Variants in PKM observed in about 807,000 individuals in gnomAD.
PKM encodes pyruvate kinase M1/2.
PKM carries 18 observed loss-of-function variants against 49.8 expected under a neutral mutation model. The observed-to-expected ratio is 0.36, with a 90% CI of 0.25 to 0.54. The LOEUF is 0.54. PKM is among the 20% of genes least tolerant of loss of function. The probability of loss-of-function intolerance (pLI) is 0.89; values close to 1 mark genes in which losing one functional copy is unlikely to be tolerated. For synonymous variants in PKM, 239 were observed against 261.8 expected (o/e 0.91, Z 0.84); for missense variants, 508 against 713.8 (o/e 0.71, Z 3.28).
chr15:72,228,527 G>C (rs923140872), intron 1 of PKM: 15 of 632,296 alleles, frequency 2.4e-5, no homozygotes, highest in Admixed American at 2.1e-4. Context: ...TGAAAGGGGA[G>C]AAGGGACTTT....
chr15:72,202,999 G>C lies in PKM; in HGVS notation c.1141-379C>G. On this transcript the variant is annotated intron_variant, in intron 8 of 10. Transcript: ENST00000335181. This position sits in a 1 kb window ranked among gnomAD's most constrained non-coding sequence, Gnocchi z 4.5. ...GCAAGAGGCTGGTTATCCTAACAGTGTTACCTGCCCTTAGGGCCCTACCTG... is the reference window on the plus strand; with the variant it reads ...GCAAGAGGCTGGTTATCCTAACAGTCTTACCTGCCCTTAGGGCCCTACCTG... 1 of 1,611,322 alleles carries C rather than the reference G, an allele frequency of 6.2e-7. No individual in the cohort carries two copies. The highest frequency in any genetic ancestry group is 8.5e-7 in the Non-Finnish European group (1 of 1,177,910).
At chr15:72,222,618 T>A (rs2082555779) in intron 1 of PKM, 1 of 152,558 alleles carries the variant, frequency 6.6e-6, no homozygotes, top group African/African-American at 2.4e-5. Flanking sequence ...GACTCACTAT[T>A]GCATCCTCCT....
Position 72,199,457 on chromosome 15 carries a change from G to A in PKM, c.*193C>T, listed in dbSNP as rs2140571072. On this transcript the variant is annotated 3_prime_UTR_variant, in exon 11 of 11. Transcript: ENST00000335181. ...GTGGGGCCACATGATGGGCAGCCAG[G>A]CTCTGGGCTGTCCCACTAGAGCAGG... The A allele has an allele frequency of 1.4e-6, 1 of 699,548 alleles. No individual in the cohort carries two copies. Among genetic ancestry groups the A allele is most frequent in the East Asian group, 2.7e-5 (1 of 36,982 alleles). The allele number at this position is 699,548 out of a possible 1,614,324, so 43.3% of individuals were successfully genotyped here. A position where few individuals can be genotyped will look rare whatever the true frequency, so the allele number is the denominator to read the frequency against.
chr15:72,224,601 GCCTGTAAT>G (rs1340951402), intron 1 of PKM, among the ~76,000 whole-genome samples: 1 of 152,058 alleles, frequency 6.6e-6, no homozygotes, highest in Admixed American at 6.5e-5. Context: ...GTTGGCTCAC[GCCTGTAAT>G]CCCAACAGTT....
At chr15:72,218,690 A>G (rs2082438351) in intron 2 of PKM, among the ~76,000 whole-genome samples, 1 of 151,930 alleles carries the variant, frequency 6.6e-6, no homozygotes, top group South Asian at 2.1e-4. Flanking sequence ...GGCCTCCCAA[A>G]GTGCTGGGAG....
chr15:72,217,370 A>G, intron 3 of PKM, 39 bp downstream of exon 3: 3 of 1,194,850 alleles, frequency 2.5e-6, no homozygotes, highest in Non-Finnish European at 3.8e-6. Flanking sequence ...TGTTTCCTAC[A>G]GGCCATCACA....
intron 8 of PKM, chr15:72,203,201 G>C (rs760294795): frequency 6.2e-7 from 1 of 1,612,546 alleles, no homozygotes. Context: ...GTAAGGTTTA[G>C]GGGAAGAGGG....
chr15:72,224,577 C>A (rs1343354212), intron 1 of PKM, among the ~76,000 whole-genome samples: 1 of 152,132 alleles, frequency 6.6e-6, no homozygotes, highest in Non-Finnish European at 1.5e-5. Flanking sequence ...TAACACTGAG[C>A]CATGGCTGGC....
chr15:72,224,462 T>C (rs1015267173), intron 1 of PKM, among the ~76,000 whole-genome samples: 2 of 152,182 alleles, frequency 1.3e-5, no homozygotes, highest in Non-Finnish European at 2.9e-5. Flanking sequence ...AACTAGTTAC[T>C]ATGACTGGTC....
Position 72,200,355 on chromosome 15 carries a change from G to T in PKM, c.1489+119C>A. ...GAGAGGAACAGTCGCTGGGCCTTTT[G>T]CCCCACTAAGGTCTGTGTGTTCCCC... On this transcript the variant is annotated intron_variant, in intron 10 of 10. Transcript: ENST00000335181. This position sits in a 1 kb window ranked among gnomAD's most constrained non-coding sequence, Gnocchi z 4.6. The T allele has an allele frequency of 2.3e-6, 2 of 855,822 alleles. No individual in the cohort carries two copies. Among genetic ancestry groups the T allele is most frequent in the Non-Finnish European group, 1.9e-6 (1 of 517,356 alleles). 53.0% of individuals were successfully genotyped at this position (855,822 alleles called of 1,614,324 possible). A position where few individuals can be genotyped will look rare whatever the true frequency, so the allele number is the denominator to read the frequency against.
At chr15:72,229,841 T>C (rs1413318350) in intron 1 of PKM, 1 of 264,094 alleles carries the variant, frequency 3.8e-6, no homozygotes, top group East Asian at 1.6e-4. Context: ...CGTAACCAGA[T>C]CCCCACCCCA....
Position 72,206,990 on chromosome 15 carries a change from G to A in PKM, c.988-110C>T, listed in dbSNP as rs565473191. ...GTAGGTACACAGAGTATGGCTTTGT[G>A]TAGGTACATGGGGGAAGGGGATTAT... On this transcript the variant is annotated intron_variant, in intron 7 of 10. Coordinates refer to ENST00000335181, the MANE Select transcript of PKM (RefSeq NM_002654.6). 9 of 1,482,418 alleles carry A rather than the reference G, an allele frequency of 6.1e-6. No individual in the cohort carries two copies. In the East Asian group the frequency reaches 2.0e-4, roughly 34 times the overall value. 91.8% of individuals were successfully genotyped at this position (1,482,418 alleles called of 1,614,324 possible).
chr15:72,209,590 C>G lies in PKM; in HGVS notation c.565+83G>C. 2.4e-6 allele frequency: 3 copies of G among 1,260,062 alleles called. No homozygotes were observed. In the East Asian group the frequency reaches 6.9e-5, roughly 29 times the overall value. 78.1% of individuals were successfully genotyped at this position (1,260,062 alleles called of 1,614,324 possible). ...AGACTCAATCTCACTGCCAGGCAAC[C>G]AACCTTCCCATCTTCCTTGTGTCAA... On this transcript the variant is annotated intron_variant, in intron 5 of 10. Coordinates refer to ENST00000335181, the MANE Select transcript of PKM (RefSeq NM_002654.6).
At position 72,208,887 on chromosome 15, in the gene PKM, G is replaced by A. The variant is rs766883191; in HGVS notation, c.570C>T (p.Ala190=). 1.7e-5 allele frequency: 27 copies of A among 1,613,456 alleles called. No homozygotes were observed. The highest frequency in any genetic ancestry group is 1.6e-4 in the Middle Eastern group (1 of 6,084). The part of the protein sequence containing the change: ...LISLQVKQKG[A]DFLVTEVENG... Reference sequence around the variant, plus strand: ...TTTCCACCTCCGTCACCAGGAAGTCGGCACCTGTATGAAAAAGGGTAAGTA... The same window carrying A: ...TTTCCACCTCCGTCACCAGGAAGTCAGCACCTGTATGAAAAAGGGTAAGTA... Residue 190 remains alanine (A), a synonymous_variant, in exon 6 of 11, where the codon GCC becomes GCT. Transcript: ENST00000335181.
Position 72,200,668 on chromosome 15 carries a change from G to A in PKM, c.1308-13C>T, listed in dbSNP as rs764343934. The A allele has an allele frequency of 6.2e-7, 1 of 1,608,954 alleles. No individual in the cohort carries two copies. Among genetic ancestry groups the A allele is most frequent in the Admixed American group, 1.7e-5 (1 of 59,906 alleles). On this transcript the variant is annotated splice_polypyrimidine_tract_variant and intron_variant, in intron 9 of 10. Transcript: ENST00000335181. This position sits in a 1 kb window ranked among gnomAD's most constrained non-coding sequence, Gnocchi z 4.6. ...CTGGTGAGCAGACCTGAGATGGGAT[G>A]GGGGACATACAGAAGAGACCATTAC...
intron 2 of PKM, among the ~76,000 whole-genome samples, chr15:72,217,951 T>G (rs1313203762): frequency 6.6e-6 from 1 of 152,244 alleles, no homozygotes; most frequent in Non-Finnish European, 1.5e-5. Context: ...TATTTTTTAT[T>G]ATAAACTGGT....
chr15:72,230,420 G>C (rs955547661), intron 1 of PKM, among the ~76,000 whole-genome samples: 1 of 152,224 alleles, frequency 6.6e-6, no homozygotes, highest in African/African-American at 2.4e-5. Flanking sequence ...GAAAAGGGGG[G>C]TGGGACCGCG....
At chr15:72,226,865 T>C (rs1283844421) in intron 1 of PKM, among the ~76,000 whole-genome samples, 4 of 152,236 alleles carry the variant, frequency 2.6e-5, no homozygotes, top group Non-Finnish European at 5.9e-5. Flanking sequence ...GCAGCCGGCT[T>C]GTTCCCTCCT....
intron 9 of PKM, chr15:72,201,928 C>T (rs888601249): frequency 5.0e-6 from 1 of 200,806 alleles, no homozygotes. Flanking sequence ...ACACAGTCCT[C>T]AGCCTGGCTG....
Sources: allele counts gnomAD v4.1 joint callset (sites outside exome capture counted in the v4.1 genomes callset), GRCh38; gene constraint gnomAD v4.1.1; non-coding constraint Gnocchi (gnomAD v3.1); transcripts MANE v1.5; gene names NCBI Gene and HGNC (gene_info 2026-07-23, HGNC 2026-07-21).